Variants in CHN1 observed in about 807,000 individuals in gnomAD.
The protein encoded by CHN1 is N-chimaerin.
In CHN1, 37 loss-of-function variants were observed where a neutral mutation model predicts 59.5. That is an observed-to-expected ratio of 0.62 (90% CI 0.48 to 0.82). The LOEUF is 0.82. CHN1 is among the 40% of genes least tolerant of loss of function. CHN1 has a pLI of 0.00. For synonymous variants in CHN1, 206 were observed against 200.4 expected (o/e 1.03, Z -0.24); for missense variants, 469 against 571.0 (o/e 0.82, Z 1.82).
intron 1 of CHN1, among the ~76,000 whole-genome samples, chr2:174,967,485 A>G (rs371082337): frequency 1.1e-4 from 16 of 152,286 alleles, no homozygotes; most frequent in African/African-American, 3.9e-4. Flanking sequence ...CATTTTTTCC[A>G]ATGTTCGTGT....
At chr2:174,849,104 G>A (rs2105439158) in intron 6 of CHN1, among the ~76,000 whole-genome samples, 1 of 152,264 alleles carries the variant, frequency 6.6e-6, no homozygotes, top group South Asian at 2.1e-4. Flanking sequence ...AAGTTACTAA[G>A]TTAAAACAAT....
At chr2:174,990,294 C>T (rs1390670227) in intron 1 of CHN1, among the ~76,000 whole-genome samples, 4 of 110,628 alleles carry the variant, frequency 3.6e-5, no homozygotes, top group East Asian at 2.7e-4. Context: ...AGAGCGCGAG[C>T]GCAAGAGCAA....
At chr2:174,963,491 G>C (rs1294117665) in intron 1 of CHN1, among the ~76,000 whole-genome samples, 6 of 152,154 alleles carry the variant, frequency 3.9e-5, no homozygotes, top group African/African-American at 1.4e-4. Flanking sequence ...AAACAGAGGA[G>C]AGAACACAGT....
At chr2:174,846,740 C>G (rs1014114020) in intron 7 of CHN1, 140 bp downstream of exon 7, 23 of 928,328 alleles carry the variant, frequency 2.5e-5, no homozygotes, top group Non-Finnish European at 3.3e-5. Flanking sequence ...TAAAATCAGG[C>G]TGAAAACATC....
intron 6 of CHN1, among the ~76,000 whole-genome samples, chr2:174,867,056 C>G (rs1376131887): frequency 2.2e-5 from 3 of 137,752 alleles, no homozygotes; most frequent in African/African-American, 8.1e-5. Flanking sequence ...CTTTTTTTTA[C>G]TTAATTTTTT....
intron 2 of CHN1, 113 bp downstream of exon 2, chr2:174,952,049 TAA>T (rs1690039096): frequency 1.6e-6 from 1 of 642,034 alleles, no homozygotes; most frequent in South Asian, 3.7e-5. Context: ...AAACCTTGTT[TAA>T]ATTAATTTTT....
intron 1 of CHN1, among the ~76,000 whole-genome samples, chr2:174,991,583 G>A (rs1375938020): frequency 6.6e-6 from 1 of 152,202 alleles, no homozygotes; most frequent in African/African-American, 2.4e-5. Flanking sequence ...ACCAATTCCA[G>A]AGTAAGTGAT....
intron 3 of CHN1, among the ~76,000 whole-genome samples, chr2:174,937,129 T>C (rs1460921131): frequency 2.0e-5 from 3 of 152,236 alleles, no homozygotes; most frequent in African/African-American, 4.8e-5. Flanking sequence ...TTATGATTGT[T>C]TTAATAGTTG....
intron 5 of CHN1, 25 bp from the exon 6 acceptor site, chr2:174,878,153 G>T: frequency 6.7e-7 from 1 of 1,493,264 alleles, no homozygotes; most frequent in South Asian, 1.4e-5. Flanking sequence ...TGGGAAAGAT[G>T]TTTTTAAGAA....
intron 5 of CHN1, among the ~76,000 whole-genome samples, chr2:174,893,337 C>T (rs377704117): frequency 1.4e-4 from 21 of 151,804 alleles, no homozygotes; most frequent in South Asian, 6.3e-4. Flanking sequence ...ATGAACAATC[C>T]GAAAGGGTAA....
At chr2:174,991,090 G>T (rs1263143635) in intron 1 of CHN1, among the ~76,000 whole-genome samples, 1 of 152,160 alleles carries the variant, frequency 6.6e-6, no homozygotes, top group Admixed American at 6.5e-5. Context: ...TCATTAGGGT[G>T]AGCTTTTTGG....
At chr2:174,972,578 G>C (rs1175009771) in intron 1 of CHN1, among the ~76,000 whole-genome samples, 1 of 152,116 alleles carries the variant, frequency 6.6e-6, no homozygotes, top group African/African-American at 2.4e-5. Flanking sequence ...AAGGTGAAGT[G>C]GGTGGCAGAG....
chr2:174,861,941 T>C (rs1386725319), intron 6 of CHN1, among the ~76,000 whole-genome samples: 1 of 152,186 alleles, frequency 6.6e-6, no homozygotes, highest in East Asian at 1.9e-4. Flanking sequence ...ATAAAAACCC[T>C]CTGCAATAAA....
rs543333493 is a variant in CHN1, at chr2:174,998,231, A to G, written c.19+6663T>C. Among the ~76,000 whole-genome samples the G allele has an allele frequency of 2.3e-5, 3 of 132,690 alleles. No homozygotes were observed. The South Asian group carries it at 8.0e-4, about 35-fold the overall frequency. The allele number at this position is 132,690 out of a possible 152,430, so 87.0% of individuals were successfully genotyped here. On this transcript the variant is annotated intron_variant, in intron 1 of 12. Coordinates refer to ENST00000409900, the MANE Select transcript of CHN1 (RefSeq NM_001822.7). ...GGCAGGAGAATTGCTTGAACCTGGGAGGTGGAGGTTGCAGTGATCTGAGAT... is the reference window on the plus strand; with the variant it reads ...GGCAGGAGAATTGCTTGAACCTGGGGGGTGGAGGTTGCAGTGATCTGAGAT...
chr2:174,857,798 C>T (rs1686950576), intron 6 of CHN1, among the ~76,000 whole-genome samples: 1 of 152,132 alleles, frequency 6.6e-6, no homozygotes, highest in African/African-American at 2.4e-5. Context: ...TAAAGAAACA[C>T]TATTATTGTT....
chr2:174,885,977 A>G (rs1416393947), intron 5 of CHN1, among the ~76,000 whole-genome samples: 2 of 152,246 alleles, frequency 1.3e-5, no homozygotes, highest in African/African-American at 4.8e-5. Flanking sequence ...TGAATAATAG[A>G]CTTGGCATAT....
At chr2:174,820,680 C>T (rs1685456108) in intron 8 of CHN1, among the ~76,000 whole-genome samples, 1 of 152,208 alleles carries the variant, frequency 6.6e-6, no homozygotes, top group African/African-American at 2.4e-5. Context: ...CTGCTGCTCC[C>T]TCAGTTGTCC....
intron 1 of CHN1, among the ~76,000 whole-genome samples, chr2:174,994,813 G>C (rs1691654656): frequency 6.6e-6 from 1 of 152,196 alleles, no homozygotes; most frequent in African/African-American, 2.4e-5. Flanking sequence ...GAGACAGTGA[G>C]AGATGAAGTC....
chr2:174,966,404 C>A (rs969694173), intron 1 of CHN1, among the ~76,000 whole-genome samples: 5 of 151,704 alleles, frequency 3.3e-5, no homozygotes, highest in Non-Finnish European at 7.4e-5. Context: ...TCAAAGATCA[C>A]AGAAAAAAAT....
Sources: gnomAD v4.1 joint callset for allele counts (sites outside exome capture counted in the v4.1 genomes callset) on GRCh38, gnomAD v4.1.1 for gene constraint, MANE v1.5 for transcripts, NCBI Gene and HGNC (gene_info 2026-07-23, HGNC 2026-07-21) for gene names.